Variants in NXPH1 observed in about 807,000 individuals in gnomAD.
The protein encoded by NXPH1 is neurexophilin 1, also known as neurexophilin-1.
A neutral mutation model predicts 23.7 loss-of-function variants in NXPH1; 5 were observed. The observed-to-expected ratio is 0.21, with a 90% CI of 0.11 to 0.44. The LOEUF (loss-of-function observed/expected upper bound fraction) is 0.44, where lower values mean the gene tolerates loss of function less well. Ranked by LOEUF, NXPH1 falls within the 20% of genes least tolerant of loss-of-function variation. NXPH1 has a pLI of 0.99. For missense variants in NXPH1, 324 were observed against 321.6 expected (o/e 1.01, Z -0.06); for synonymous variants, 144 against 122.2 (o/e 1.18, Z -1.18).
chr7:8,455,184 A>T (rs1816574381), intron 2 of NXPH1, among the ~76,000 whole-genome samples: 1 of 152,172 alleles, frequency 6.6e-6, no homozygotes, highest in African/African-American at 2.4e-5. Flanking sequence ...CTATATTGTC[A>T]GTTCTCCTAT....
chr7:8,692,313 C>T (rs530234153), intron 2 of NXPH1, among the ~76,000 whole-genome samples: 1 of 152,180 alleles, frequency 6.6e-6, no homozygotes, highest in East Asian at 1.9e-4. Flanking sequence ...AGAAAGGAGG[C>T]TTGAAGATTA....
intron 2 of NXPH1, among the ~76,000 whole-genome samples, chr7:8,737,337 A>G (rs551738657): frequency 2.0e-5 from 3 of 152,264 alleles, no homozygotes; most frequent in South Asian, 2.1e-4. Flanking sequence ...TGGTGACAAG[A>G]TATCTCAGCA....
At chr7:8,741,083 G>C (rs1191015880) in intron 2 of NXPH1, among the ~76,000 whole-genome samples, 3 of 152,088 alleles carry the variant, frequency 2.0e-5, no homozygotes, top group African/African-American at 7.2e-5. Context: ...GCAAATACCA[G>C]TCTACTTCCT....
chr7:8,572,352 C>G (rs1430650981), intron 2 of NXPH1, among the ~76,000 whole-genome samples: 3 of 151,760 alleles, frequency 2.0e-5, no homozygotes, highest in Non-Finnish European at 4.4e-5. Flanking sequence ...TTAATACAAA[C>G]ATGTATATAT....
intron 2 of NXPH1, among the ~76,000 whole-genome samples, chr7:8,750,623 A>T (rs964304020): frequency 1.3e-5 from 2 of 152,188 alleles, no homozygotes; most frequent in Non-Finnish European, 2.9e-5. Context: ...TTTGGTTTAT[A>T]TTTGAATTTA....
At chr7:8,526,862 T>C (rs1817869207) in intron 2 of NXPH1, among the ~76,000 whole-genome samples, 1 of 152,150 alleles carries the variant, frequency 6.6e-6, no homozygotes, top group Non-Finnish European at 1.5e-5. Context: ...AACAGACTAA[T>C]ATAATGTCTC....
Position 8,524,986 on chromosome 7 carries a change from G to A in NXPH1, c.54+89219G>A, listed in dbSNP as rs948908323. Among the ~76,000 whole-genome samples, 3 of 152,216 alleles carry A rather than the reference G, an allele frequency of 2.0e-5. No individual in the cohort carries two copies. In the South Asian group the frequency reaches 6.2e-4, roughly 32 times the overall value. ...TGAAAAGATACCCGAAAATGTGGAA[G>A]TGACTTTGGAACTCGTAAACAGGCT... On this transcript the variant is annotated intron_variant, in intron 2 of 2. Coordinates refer to ENST00000405863, the MANE Select transcript of NXPH1 (RefSeq NM_152745.3).
intron 2 of NXPH1, among the ~76,000 whole-genome samples, chr7:8,483,965 C>CTTTTTTTTTTTTTTTTTTTTTTTTT (rs60436502): frequency 6.0e-5 from 8 of 132,324 alleles, no homozygotes; most frequent in African/African-American, 2.5e-4. Context: ...CTCCCCCCAC[C>CTTTTTTTTTTTTTTTTTTTTTTTTT]TTTTTTTTTT....
At chr7:8,617,604 C>G (rs1221350204) in intron 2 of NXPH1, among the ~76,000 whole-genome samples, 6 of 151,894 alleles carry the variant, frequency 4.0e-5, no homozygotes, top group African/African-American at 7.3e-5. Flanking sequence ...ATCTAAAAAT[C>G]AAAACAATTG....
chr7:8,751,879 T>TG lies in NXPH1; in HGVS notation c.*111dup. The TG allele has an allele frequency of 9.4e-7, 1 of 1,061,768 alleles. No individual in the cohort carries two copies. The highest frequency in any genetic ancestry group is 1.3e-6 in the Non-Finnish European group (1 of 759,402). The allele number at this position is 1,061,768 out of a possible 1,614,324, so 65.8% of individuals were successfully genotyped here. A position where few individuals can be genotyped will look rare whatever the true frequency, so the allele number is the denominator to read the frequency against. On this transcript the variant is annotated 3_prime_UTR_variant, in exon 3 of 3. Transcript: ENST00000405863. This position sits in a 1 kb window ranked among gnomAD's most constrained non-coding sequence, Gnocchi z 4.5. ...GTTGCCTGGAATGTGTCTACACTGC[T>TG]GCTCTTGTCAACTGGCTGCAAAATA...
At chr7:8,464,268 G>A (rs1410861936) in intron 2 of NXPH1, among the ~76,000 whole-genome samples, 1 of 152,064 alleles carries the variant, frequency 6.6e-6, no homozygotes, top group African/African-American at 2.4e-5. Context: ...TGTATGAGAG[G>A]TCCTTATCTG....
chr7:8,485,553 G>C (rs138388222), intron 2 of NXPH1, among the ~76,000 whole-genome samples: 228 of 152,144 alleles, frequency 1.5e-3, no homozygotes, highest in African/African-American at 5.1e-3. Flanking sequence ...CAATGACTCT[G>C]TTCTTCTCCG....
chr7:8,731,205 C>T (rs1780147482), intron 2 of NXPH1, among the ~76,000 whole-genome samples: 1 of 152,036 alleles, frequency 6.6e-6, no homozygotes. Flanking sequence ...CTCCTTTAAG[C>T]ACTTCTCTGT....
At chr7:8,668,846 C>G (rs1820822110) in intron 2 of NXPH1, among the ~76,000 whole-genome samples, 1 of 151,714 alleles carries the variant, frequency 6.6e-6, no homozygotes, top group African/African-American at 2.4e-5. Context: ...GAGGGCTACC[C>G]TAGCACTGCC....
At chr7:8,681,816 C>T (rs1236555397) in intron 2 of NXPH1, among the ~76,000 whole-genome samples, 1 of 152,168 alleles carries the variant, frequency 6.6e-6, no homozygotes, top group Non-Finnish European at 1.5e-5. Context: ...GCCTATCTGG[C>T]CTACCACATC....
At chr7:8,744,688 C>T (rs1780438797) in intron 2 of NXPH1, among the ~76,000 whole-genome samples, 1 of 152,140 alleles carries the variant, frequency 6.6e-6, no homozygotes, top group African/African-American at 2.4e-5. Context: ...CTTAATCTCC[C>T]AATATTTCTA....
intron 2 of NXPH1, among the ~76,000 whole-genome samples, chr7:8,600,098 T>C (rs1389726114): frequency 6.6e-6 from 1 of 152,076 alleles, no homozygotes; most frequent in Non-Finnish European, 1.5e-5. Flanking sequence ...ATTTATATGA[T>C]GTTGGTCTTC....
At chr7:8,513,057 A>C (rs1817635868) in intron 2 of NXPH1, among the ~76,000 whole-genome samples, 1 of 152,110 alleles carries the variant, frequency 6.6e-6, no homozygotes, top group Non-Finnish European at 1.5e-5. Context: ...GTACAGAGTC[A>C]ATATGAGAAT....
At position 8,731,926 on chromosome 7, in the gene NXPH1, G is replaced by T. The variant is rs563119762; in HGVS notation, c.55-19082G>T. On this transcript the variant is annotated intron_variant, in intron 2 of 2. Coordinates refer to ENST00000405863, the MANE Select transcript of NXPH1 (RefSeq NM_152745.3). ...TAAGCAAGCCTGGGCAATGGCGGGC[G>T]CCCCTCCCCCGGCCTTGCTGCTGCC... Among the ~76,000 whole-genome samples, 35 of 152,328 alleles carry T rather than the reference G, an allele frequency of 2.3e-4. No homozygotes were observed. In the South Asian group the frequency reaches 7.1e-3, roughly 31 times the overall value.
Sources: allele counts gnomAD v4.1 joint callset (sites outside exome capture counted in the v4.1 genomes callset), GRCh38; gene constraint gnomAD v4.1.1; non-coding constraint Gnocchi (gnomAD v3.1); transcripts MANE v1.5; gene names NCBI Gene and HGNC (gene_info 2026-07-23, HGNC 2026-07-21).